ZNF236: variants seen among roughly 807,000 people sequenced by gnomAD.
The protein encoded by ZNF236 is zinc finger protein 236.
ZNF236 carries 50 observed loss-of-function variants against 191.2 expected under a neutral mutation model. The observed-to-expected ratio is 0.26, with a 90% CI of 0.21 to 0.33. The LOEUF (loss-of-function observed/expected upper bound fraction) is 0.33, where lower values mean the gene tolerates loss of function less well. ZNF236 is among the 10% of genes least tolerant of loss of function. The pLI, the probability that ZNF236 is intolerant of heterozygous loss-of-function variation, is 1.00. For missense variants in ZNF236, 1,754 were observed against 2,374.5 expected (o/e 0.74, Z 5.43); for synonymous variants, 907 against 928.8 (o/e 0.98, Z 0.43).
chr18:76,959,599 T>C, intron 28 of ZNF236, 88 bp from the exon 29 acceptor site: 1 of 1,474,466 alleles, frequency 6.8e-7, no homozygotes, highest in Non-Finnish European at 9.1e-7. Flanking sequence ...GCCACTGACT[T>C]GAACTTTGCA....
chr18:76,866,578 A>T (rs1031118900), intron 3 of ZNF236, among the ~76,000 whole-genome samples: 15 of 152,166 alleles, frequency 9.9e-5, no homozygotes, highest in Non-Finnish European at 1.9e-4. Context: ...TTTAGAGATG[A>T]TCGTATCTTC....
intron 1 of ZNF236, among the ~76,000 whole-genome samples, chr18:76,836,439 C>T (rs117264765): frequency 0.017 from 2,527 of 152,018 alleles, 31 homozygotes; most frequent in Non-Finnish European, 0.02. Flanking sequence ...TGCCCTTAAA[C>T]GCCTGGCCTC....
intron 5 of ZNF236, among the ~76,000 whole-genome samples, chr18:76,872,374 A>C (rs1012218723): frequency 1.3e-5 from 2 of 152,204 alleles, no homozygotes; most frequent in Non-Finnish European, 2.9e-5. Flanking sequence ...CTGAAGTGGG[A>C]GGATTGCTTG....
chr18:76,970,943 A>C lies in ZNF236; in HGVS notation c.*2604A>C, dbSNP rs1404964413. On this transcript the variant is annotated 3_prime_UTR_variant, in exon 31 of 31. Coordinates refer to ENST00000320610, the MANE Select transcript of ZNF236 (RefSeq NM_001306089.2). The stretch of plus-strand genomic sequence containing the variant: ...GCGACAGCGAGCCGTGGGCGTCAGC[A>C]CAGTGCCCTGTGCATGTGTCAGAAC... Among the ~76,000 whole-genome samples the C allele has an allele frequency of 6.6e-6, 1 of 152,264 alleles. No homozygotes were observed. Among genetic ancestry groups the C allele is most frequent in the East Asian group, 1.9e-4 (1 of 5,200 alleles).
chr18:76,911,437 G>A lies in ZNF236; in HGVS notation c.2805+626G>A, dbSNP rs1967215278. 2.0e-5 allele frequency among the ~76,000 whole-genome samples: 3 copies of A among 152,340 alleles called. No homozygotes were observed. In the South Asian group the frequency reaches 6.2e-4, roughly 32 times the overall value. Reference sequence around the variant, plus strand: ...GGTAGAAACTACATAATTGGCAGCAGATGCTGAATCTGGGAAGTGGAGAAC... The same window carrying A: ...GGTAGAAACTACATAATTGGCAGCAAATGCTGAATCTGGGAAGTGGAGAAC... On this transcript the variant is annotated intron_variant, in intron 16 of 30. Coordinates refer to ENST00000320610, the MANE Select transcript of ZNF236 (RefSeq NM_001306089.2).
intron 19 of ZNF236, among the ~76,000 whole-genome samples, chr18:76,918,411 A>G (rs759880544): frequency 1.1e-4 from 16 of 152,098 alleles, no homozygotes; most frequent in Non-Finnish European, 2.2e-4. Context: ...ACCTAATATA[A>G]ATGCTATGTA....
intron 20 of ZNF236, among the ~76,000 whole-genome samples, chr18:76,921,737 C>CTTTTTTTTT (rs11380490): frequency 6.6e-4 from 65 of 98,020 alleles, no homozygotes; most frequent in Middle Eastern, 9.3e-3. Flanking sequence ...GTGGGATGTT[C>CTTTTTTTTT]TTTTTTTTTT....
rs144901259 is a variant in ZNF236, at chr18:76,900,548, A to G, written c.1894+1326A>G. ...AGAAGTTGATTTTGTATAGGATACA[A>G]TCTTTGATTACAGTTCACTGAAAAA... On this transcript the variant is annotated intron_variant, in intron 11 of 30. Coordinates refer to ENST00000320610, the MANE Select transcript of ZNF236 (RefSeq NM_001306089.2). Among the ~76,000 whole-genome samples, 59 of 152,322 alleles carry G rather than the reference A, an allele frequency of 3.9e-4. 1 individual carries two copies. Among genetic ancestry groups the G allele is most frequent in the African/African-American group, 1.3e-3 (52 of 41,586 alleles).
chr18:76,852,397 A>G (rs1975903288), intron 3 of ZNF236, among the ~76,000 whole-genome samples: 1 of 152,044 alleles, frequency 6.6e-6, no homozygotes, highest in African/African-American at 2.4e-5. Flanking sequence ...CAAAGTGACC[A>G]CTCCTGGGAG....
intron 1 of ZNF236, among the ~76,000 whole-genome samples, chr18:76,844,897 C>T (rs1182969580): frequency 2.6e-5 from 4 of 152,116 alleles, no homozygotes; most frequent in Non-Finnish European, 4.4e-5. Flanking sequence ...CATGACAGAC[C>T]AGGCCTGAAT....
chr18:76,927,821 T>C lies in ZNF236; in HGVS notation c.4415-106T>C. The C allele has an allele frequency of 1.1e-6, 1 of 923,852 alleles. No homozygotes were observed. The highest frequency in any genetic ancestry group is 1.6e-6 in the Non-Finnish European group (1 of 640,976). 57.2% of individuals were successfully genotyped at this position (923,852 alleles called of 1,614,324 possible). A position where few individuals can be genotyped will look rare whatever the true frequency, so the allele number is the denominator to read the frequency against. ...GATGCTTTGTTTTAAATCTTTGTCT[T>C]ATTGAAATATGTAATAACAGTTTAA... On this transcript the variant is annotated intron_variant, in intron 24 of 30. Coordinates refer to ENST00000320610, the MANE Select transcript of ZNF236 (RefSeq NM_001306089.2). This position sits in a 1 kb window ranked among gnomAD's most constrained non-coding sequence, Gnocchi z 5.4.
intron 1 of ZNF236, among the ~76,000 whole-genome samples, chr18:76,827,834 T>A (rs1975059557): frequency 6.6e-6 from 1 of 152,164 alleles, no homozygotes; most frequent in Non-Finnish European, 1.5e-5. Context: ...TTTTTCTTTA[T>A]CATAATTATT....
intron 11 of ZNF236, among the ~76,000 whole-genome samples, chr18:76,903,376 T>C (rs1329420797): frequency 6.6e-6 from 1 of 152,184 alleles, no homozygotes; most frequent in Non-Finnish European, 1.5e-5. Context: ...CAGAAGACTG[T>C]TCCAGGCATG....
chr18:76,952,849 G>A (rs1488379533), intron 27 of ZNF236, among the ~76,000 whole-genome samples: 1 of 152,038 alleles, frequency 6.6e-6, no homozygotes, highest in Non-Finnish European at 1.5e-5. Context: ...CCCCAAACAG[G>A]GGTGTAGTTA....
intron 17 of ZNF236, 58 bp from the exon 18 acceptor site, chr18:76,913,689 G>A: frequency 6.4e-7 from 1 of 1,573,314 alleles, no homozygotes; most frequent in Non-Finnish European, 8.7e-7. Flanking sequence ...TTCAGGTGCT[G>A]TATTTGTAAT....
Position 76,851,868 on chromosome 18 carries a change from C to T in ZNF236, c.292C>T (p.Pro98Ser). The T allele has an allele frequency of 1.2e-6, 2 of 1,613,940 alleles. No individual in the cohort carries two copies. Among genetic ancestry groups the T allele is most frequent in the Non-Finnish European group, 1.7e-6 (2 of 1,179,914 alleles). Residue 98 changes from proline (P) to serine (S), a missense_variant, in exon 3 of 31, where the codon CCT becomes TCT. Transcript: ENST00000320610. ...CCACAGCGGGGAAGATCCTACCTGC[C>T]CTGTGTGTAACAAGAAATTCTCCAG... ...CTHSGEDPTC[P>S]VCNKKFSRVA...
chr18:76,905,622 A>G (rs547481629), intron 13 of ZNF236, among the ~76,000 whole-genome samples: 6 of 152,158 alleles, frequency 3.9e-5, no homozygotes, highest in Non-Finnish European at 8.8e-5. Context: ...AGACTGAAGC[A>G]TTAGCATTTT....
In ZNF236 at chr18:76,868,988, T is replaced by C. The variant is rs913050210; in HGVS notation, c.542+125T>C. ...AGCAAAGTGGAACCCCACAGATAAT[T>C]TGGTGTCAGAACGTCTTTTATAACA... On this transcript the variant is annotated intron_variant, in intron 4 of 30. Transcript: ENST00000320610. 6.6e-6 allele frequency: 6 copies of C among 904,730 alleles called. No individual in the cohort carries two copies. In the South Asian group the frequency reaches 8.8e-5, roughly 13 times the overall value. The allele number at this position is 904,730 out of a possible 1,614,324, so 56.0% of individuals were successfully genotyped here. A position where few individuals can be genotyped will look rare whatever the true frequency, so the allele number is the denominator to read the frequency against.
At chr18:76,908,047 T>C (rs1389844617) in intron 13 of ZNF236, among the ~76,000 whole-genome samples, 1 of 152,204 alleles carries the variant, frequency 6.6e-6, no homozygotes, top group Non-Finnish European at 1.5e-5. Flanking sequence ...TTAATGTTTT[T>C]AAACTATTAG....
Sources: gnomAD v4.1 joint callset for allele counts (sites outside exome capture counted in the v4.1 genomes callset) on GRCh38, gnomAD v4.1.1 for gene constraint, Gnocchi (gnomAD v3.1) non-coding constraint, MANE v1.5 for transcripts, NCBI Gene and HGNC (gene_info 2026-07-23, HGNC 2026-07-21) for gene names.